Variants in ALK observed in about 807,000 individuals in gnomAD.
The protein encoded by ALK is ALK tyrosine kinase receptor.
ALK carries 74 observed loss-of-function variants against 163.1 expected under a neutral mutation model. The ratio of observed to expected loss-of-function variants is 0.45; its 90% confidence interval spans 0.38 to 0.55. The LOEUF (loss-of-function observed/expected upper bound fraction) is 0.55. Among genes scored for constraint, ALK ranks in the 20% least tolerant of loss-of-function variants. The pLI is 0.00. For missense variants in ALK, 2,063 were observed against 2,105.3 expected (o/e 0.98, Z 0.39); for synonymous variants, 960 against 843.2 (o/e 1.14, Z -2.40).
intron 1 of ALK, among the ~76,000 whole-genome samples, chr2:29,805,547 C>T (rs6724237): frequency 0.58 from 87,737 of 151,942 alleles, 25,453 homozygotes; most frequent in African/African-American, 0.61. Context: ...CCCGTGTCTA[C>T]GTATTCTCAT....
chr2:29,498,473 C>A (rs993829994), intron 4 of ALK, among the ~76,000 whole-genome samples: 1 of 151,962 alleles, frequency 6.6e-6, no homozygotes, highest in African/African-American at 2.4e-5. Context: ...TCGACCTCAT[C>A]CGTAAAATGG....
chr2:29,900,441 T>C (rs1276684635), intron 1 of ALK, among the ~76,000 whole-genome samples: 1 of 152,260 alleles, frequency 6.6e-6, no homozygotes, highest in African/African-American at 2.4e-5. Context: ...CGCTGCCTCC[T>C]CTTCTGGCTT....
intron 1 of ALK, among the ~76,000 whole-genome samples, chr2:29,872,345 A>G (rs1196943005): frequency 1.3e-5 from 2 of 152,178 alleles, no homozygotes; most frequent in Non-Finnish European, 2.9e-5. Context: ...AGCAGACAAA[A>G]CAGGTAGTTA....
chr2:29,298,743 C>G (rs1383346461), intron 8 of ALK, among the ~76,000 whole-genome samples: 1 of 152,166 alleles, frequency 6.6e-6, no homozygotes, highest in East Asian at 1.9e-4. Flanking sequence ...CCCCTTCTCT[C>G]TTTTTTGTGG....
rs192616643 is a variant in ALK, at chr2:29,488,715, C to G, written c.1154+43200G>C. Among the ~76,000 whole-genome samples the G allele has an allele frequency of 1.1e-4, 17 of 152,280 alleles. No homozygotes were observed. In the East Asian group the frequency reaches 3.1e-3, roughly 28 times the overall value. On this transcript the variant is annotated intron_variant, in intron 4 of 28. Coordinates refer to ENST00000389048, the MANE Select transcript of ALK (RefSeq NM_004304.5). ...ACTCAGTCCCAGTGGAACTCCATAA[C>G]CACGGTGTATGTTCAAAGGGAGATG...
chr2:29,864,402 C>T (rs1208905020), intron 1 of ALK, among the ~76,000 whole-genome samples: 3 of 152,218 alleles, frequency 2.0e-5, no homozygotes, highest in East Asian at 1.9e-4. Context: ...TAAGTAGGCC[C>T]TTTCTCTTTC....
At chr2:29,715,410 A>C (rs372781281) in intron 2 of ALK, among the ~76,000 whole-genome samples, 28 of 152,316 alleles carry the variant, frequency 1.8e-4, no homozygotes, top group African/African-American at 6.5e-4. Flanking sequence ...AAACCTCCAG[A>C]TCGATTCCTT....
chr2:29,554,302 T>G (rs1673789656), intron 3 of ALK, among the ~76,000 whole-genome samples: 1 of 152,216 alleles, frequency 6.6e-6, no homozygotes, highest in Non-Finnish European at 1.5e-5. Flanking sequence ...TGAGCTTTCT[T>G]TAGGACTTCC....
At chr2:29,887,038 G>A (rs1572470392) in intron 1 of ALK, among the ~76,000 whole-genome samples, 1 of 152,148 alleles carries the variant, frequency 6.6e-6, no homozygotes, top group East Asian at 1.9e-4. Context: ...TTGCTGTTTT[G>A]TCCAGTGCTT....
rs760041708 is a variant in ALK at position 29,920,274 on chromosome 2, C to A, written c.386G>T (p.Gly129Val). ...EARTLSRVLKGGSVRKLRRAK... is the reference protein window; with the variant it reads ...EARTLSRVLKVGSVRKLRRAK... ...ACGCCGGAGCTTGCGCACGGAGCCG[C>A]CCTTCAGCACCCTGGACAGCGTCCG... The change falls in exon 1 of 29, where the codon GGC (glycine) becomes GTC (valine). Residue 129 changes from glycine (G) to valine (V), a missense_variant. Coordinates refer to ENST00000389048, the MANE Select transcript of ALK (RefSeq NM_004304.5). 23 of 1,588,704 alleles carry A rather than the reference C, an allele frequency of 1.4e-5. No homozygotes were observed. The East Asian group carries it at 5.0e-4, about 35-fold the overall frequency.
chr2:29,339,751 C>T (rs1053898296), intron 5 of ALK, among the ~76,000 whole-genome samples: 9 of 151,958 alleles, frequency 5.9e-5, no homozygotes, highest in African/African-American at 1.9e-4. Context: ...GCAGGGGGCC[C>T]GAGGTGATGG....
At chr2:29,898,380 G>A (rs1667326785) in intron 1 of ALK, among the ~76,000 whole-genome samples, 1 of 152,210 alleles carries the variant, frequency 6.6e-6, no homozygotes, top group Non-Finnish European at 1.5e-5. Flanking sequence ...CTGGAGAGAA[G>A]TGATTGGTGA....
chr2:29,238,034 TGTGCTGTGTTTGG>T (rs1404214412), intron 13 of ALK, among the ~76,000 whole-genome samples: 1 of 152,104 alleles, frequency 6.6e-6, no homozygotes, highest in Non-Finnish European at 1.5e-5. Context: ...TATGTGCACA[TGTGCTGTGTTTGG>T]GGGTGGGGTG....
At chr2:29,254,372 A>T (rs148000336) in intron 11 of ALK, among the ~76,000 whole-genome samples, 1 of 152,180 alleles carries the variant, frequency 6.6e-6, no homozygotes, top group African/African-American at 2.4e-5. Context: ...TAGGGAAGAC[A>T]TCTAAAGGTA....
At chr2:29,460,611 T>C (rs1671062480) in intron 4 of ALK, among the ~76,000 whole-genome samples, 1 of 152,174 alleles carries the variant, frequency 6.6e-6, no homozygotes, top group Non-Finnish European at 1.5e-5. Flanking sequence ...GATGTTAGTA[T>C]TGTAATTGGT....
chr2:29,567,698 C>T (rs116782574), intron 3 of ALK, among the ~76,000 whole-genome samples: 313 of 152,246 alleles, frequency 2.1e-3, no homozygotes, highest in African/African-American at 7.3e-3. Flanking sequence ...CGTTTCCACT[C>T]TCCAAGAGAA....
intron 1 of ALK, among the ~76,000 whole-genome samples, chr2:29,800,528 G>C (rs553710030): frequency 8.7e-4 from 132 of 152,254 alleles, no homozygotes; most frequent in African/African-American, 3.0e-3. Context: ...GGTCAACAGG[G>C]ACAGAGAACT....
intron 1 of ALK, among the ~76,000 whole-genome samples, chr2:29,761,710 T>C (rs936311395): frequency 2.0e-5 from 3 of 152,188 alleles, no homozygotes; most frequent in African/African-American, 7.2e-5. Context: ...GGGCTCCACA[T>C]AGCCATACGT....
At chr2:29,221,587 G>A (rs769008553) in intron 22 of ALK, among the ~76,000 whole-genome samples, 44 of 152,240 alleles carry the variant, frequency 2.9e-4, no homozygotes, top group Middle Eastern at 3.4e-3. Flanking sequence ...TCATAATCAG[G>A]AATTATATGT....
Sources: allele counts gnomAD v4.1 joint callset (sites outside exome capture counted in the v4.1 genomes callset), GRCh38; gene constraint gnomAD v4.1.1; transcripts MANE v1.5; gene names NCBI Gene and HGNC (gene_info 2026-07-23, HGNC 2026-07-21).